SEMA6D: variants seen among roughly 807,000 people sequenced by gnomAD.
The protein encoded by SEMA6D is semaphorin 6D.
A neutral mutation model predicts 106.6 loss-of-function variants in SEMA6D; 35 were observed. That is an observed-to-expected ratio of 0.33 (90% CI 0.25 to 0.44). SEMA6D has a LOEUF of 0.44. Among genes scored for constraint, SEMA6D ranks in the 20% least tolerant of loss-of-function variants. The pLI is 1.00. For synonymous variants in SEMA6D, 499 were observed against 487.7 expected (o/e 1.02, Z -0.31); for missense variants, 1,185 against 1,345.9 (o/e 0.88, Z 1.87).
At chr15:47,592,260 A>C (rs1423363821) in intron 3 of SEMA6D, among the ~76,000 whole-genome samples, 4 of 152,232 alleles carry the variant, frequency 2.6e-5, no homozygotes, top group African/African-American at 9.6e-5. Context: ...TAATTCAAAC[A>C]TCTCATCTAA....
chr15:47,452,595 T>A (rs1388538566), intron 2 of SEMA6D, among the ~76,000 whole-genome samples: 1 of 151,942 alleles, frequency 6.6e-6, no homozygotes, highest in Non-Finnish European at 1.5e-5. Flanking sequence ...AGGAAAAAAA[T>A]CTTGAATTTT....
At chr15:47,623,812 TA>T (rs1242710964) in intron 4 of SEMA6D, among the ~76,000 whole-genome samples, 19 of 152,312 alleles carry the variant, frequency 1.2e-4, no homozygotes, top group African/African-American at 4.6e-4. Context: ...AAGACATCCA[TA>T]TAGATCATTG....
intron 1 of SEMA6D, among the ~76,000 whole-genome samples, chr15:47,348,714 CACACCACACACACAGAGAGAGAGAGAG>C (rs1567016566): frequency 1.1e-3 from 103 of 93,390 alleles, no homozygotes; most frequent in Admixed American, 2.0e-3. Context: ...CACACACACA[CACACCACACACACAGAGAGAGAGAGAG>C]AGAGAGAGAG....
intron 1 of SEMA6D, among the ~76,000 whole-genome samples, chr15:47,720,261 C>CTT (rs869122623): frequency 3.4e-3 from 333 of 97,072 alleles, no homozygotes; most frequent in Non-Finnish European, 4.3e-3. Flanking sequence ...AATAACCTTT[C>CTT]TTTTTTTTTT....
At chr15:47,565,658 C>A (rs765193043) in intron 3 of SEMA6D, among the ~76,000 whole-genome samples, 1 of 152,162 alleles carries the variant, frequency 6.6e-6, no homozygotes, top group Non-Finnish European at 1.5e-5. Flanking sequence ...ATTTTTACTT[C>A]TTAGGTTTCT....
At chr15:47,221,261 T>C (rs1471696173) in intron 1 of SEMA6D, among the ~76,000 whole-genome samples, 1 of 152,250 alleles carries the variant, frequency 6.6e-6, no homozygotes, top group Admixed American at 6.5e-5. Context: ...TGGGCTCCTC[T>C]ATGAATATAG....
At chr15:47,748,900 AAGAGTCAATTCT>A (rs551035702) in intron 1 of SEMA6D, among the ~76,000 whole-genome samples, 1 of 152,278 alleles carries the variant, frequency 6.6e-6, no homozygotes, top group Non-Finnish European at 1.5e-5. Context: ...GAAACCAATG[AAGAGTCAATTCT>A]AGACAAATGA....
intron 1 of SEMA6D, among the ~76,000 whole-genome samples, chr15:47,402,093 A>G (rs2040419241): frequency 6.6e-6 from 1 of 152,218 alleles, no homozygotes; most frequent in African/African-American, 2.4e-5. Context: ...AATGTTCAGT[A>G]TCTGTACTGC....
intron 18 of SEMA6D, among the ~76,000 whole-genome samples, chr15:47,769,775 T>C (rs1379725502): frequency 6.6e-6 from 1 of 152,200 alleles, no homozygotes; most frequent in Non-Finnish European, 1.5e-5. Context: ...ACTAATTTGC[T>C]CTTCTTTTTC....
chr15:47,302,339 G>A (rs1473216617), intron 1 of SEMA6D, among the ~76,000 whole-genome samples: 1 of 152,164 alleles, frequency 6.6e-6, no homozygotes. Context: ...AAGTTTTGCA[G>A]TGACTAATGC....
chr15:47,495,431 G>A (rs1176516099), intron 3 of SEMA6D, among the ~76,000 whole-genome samples: 1 of 151,966 alleles, frequency 6.6e-6, no homozygotes, highest in Non-Finnish European at 1.5e-5. Context: ...AGTAGCAGGG[G>A]TTAGCTATTG....
At chr15:47,585,423 G>A (rs193129247) in intron 3 of SEMA6D, among the ~76,000 whole-genome samples, 7 of 152,140 alleles carry the variant, frequency 4.6e-5, no homozygotes, top group South Asian at 2.1e-4. Context: ...TTATTTAAAC[G>A]GCTCTCATGT....
intron 4 of SEMA6D, among the ~76,000 whole-genome samples, chr15:47,624,619 T>C (rs750359596): frequency 6.6e-6 from 1 of 152,208 alleles, no homozygotes; most frequent in Non-Finnish European, 1.5e-5. Flanking sequence ...ACACAAATCT[T>C]GTAACACAAA....
rs932153515 is a variant in SEMA6D, at chr15:47,659,341, A to G, written c.-55+58445A>G. On this transcript the variant is annotated intron_variant, in intron 4 of 19. Transcript: ENST00000558014. ...TATGATAAATATTATATTAAAATCA[A>G]TGAAGATACAGGAATTGATCAATGC... Among the ~76,000 whole-genome samples, 3 of 151,922 alleles carry G rather than the reference A, an allele frequency of 2.0e-5. No homozygotes were observed. The South Asian group carries it at 6.2e-4, about 31-fold the overall frequency.
chr15:47,299,077 G>A (rs1440161024), intron 1 of SEMA6D, among the ~76,000 whole-genome samples: 2 of 152,212 alleles, frequency 1.3e-5, no homozygotes, highest in African/African-American at 2.4e-5. Context: ...AGCAGAAGGT[G>A]CAGCGGGAAG....
At chr15:47,370,820 C>T (rs1315185692) in intron 1 of SEMA6D, among the ~76,000 whole-genome samples, 1 of 151,604 alleles carries the variant, frequency 6.6e-6, no homozygotes. Context: ...GAGCTGAGAT[C>T]GTGCCACTGC....
chr15:47,650,004 G>A (rs1201460917), intron 4 of SEMA6D, among the ~76,000 whole-genome samples: 2 of 152,128 alleles, frequency 1.3e-5, no homozygotes, highest in Non-Finnish European at 2.9e-5. Context: ...CTGGATTATT[G>A]GCCCCACATG....
intron 1 of SEMA6D, among the ~76,000 whole-genome samples, chr15:47,333,541 A>C (rs2037429449): frequency 6.6e-6 from 1 of 152,096 alleles, no homozygotes; most frequent in Admixed American, 6.5e-5. Flanking sequence ...CAGAAGTACC[A>C]CCTAGAATTT....
intron 3 of SEMA6D, among the ~76,000 whole-genome samples, chr15:47,542,581 T>C (rs2045389445): frequency 6.6e-6 from 1 of 152,186 alleles, no homozygotes; most frequent in African/African-American, 2.4e-5. Flanking sequence ...AGCTAGAGGT[T>C]TCAGTATTCC....
Sources: gnomAD v4.1 joint callset for allele counts (sites outside exome capture counted in the v4.1 genomes callset) on GRCh38, gnomAD v4.1.1 for gene constraint, MANE v1.5 for transcripts, NCBI Gene and HGNC (gene_info 2026-07-23, HGNC 2026-07-21) for gene names.